TRAF3IP1: variants seen among roughly 807,000 people sequenced by gnomAD.
The protein encoded by TRAF3IP1 is TRAF3-interacting protein 1.
Under a neutral mutation model 89.9 loss-of-function variants are expected in TRAF3IP1, and 53 were observed. The ratio of observed to expected loss-of-function variants is 0.59; its 90% CI spans 0.47 to 0.74. TRAF3IP1 has a LOEUF of 0.74. Among genes scored for constraint, TRAF3IP1 ranks in the 30% least tolerant of loss-of-function variants. The pLI is 0.00. For synonymous variants in TRAF3IP1, 311 were observed against 322.1 expected (o/e 0.97, Z 0.37); for missense variants, 806 against 866.1 (o/e 0.93, Z 0.87).
intron 15 of TRAF3IP1, among the ~76,000 whole-genome samples, chr2:238,384,246 G>A (rs773083180): frequency 7.2e-5 from 11 of 152,154 alleles, no homozygotes; most frequent in Non-Finnish European, 1.5e-4. Context: ...CTCCGCCCAC[G>A]GCTGACAACA....
intron 15 of TRAF3IP1, among the ~76,000 whole-genome samples, chr2:238,357,716 G>C (rs1023454973): frequency 3.3e-5 from 5 of 152,284 alleles, no homozygotes; most frequent in African/African-American, 1.2e-4. Flanking sequence ...GGTTGTCCTG[G>C]TGTCCCTGGT....
chr2:238,370,163 T>A (rs1017552874), intron 15 of TRAF3IP1, among the ~76,000 whole-genome samples: 2 of 152,142 alleles, frequency 1.3e-5, no homozygotes, highest in Non-Finnish European at 2.9e-5. Flanking sequence ...TGTGTCTGTG[T>A]TTGTTATATA....
chr2:238,365,788 G>A (rs1430243669), intron 15 of TRAF3IP1, among the ~76,000 whole-genome samples: 2 of 152,092 alleles, frequency 1.3e-5, no homozygotes, highest in African/African-American at 4.8e-5. Context: ...TATATGGTGG[G>A]GTTTTTTGTT....
At chr2:238,365,388 G>A (rs1051089319) in intron 15 of TRAF3IP1, among the ~76,000 whole-genome samples, 10 of 152,110 alleles carry the variant, frequency 6.6e-5, no homozygotes, top group Admixed American at 2.0e-4. Flanking sequence ...TGGGCCAGGC[G>A]CGGTGGCCAA....
rs1255514345 is a variant in TRAF3IP1, at chr2:238,351,231, C to T, written c.1452-1596C>T. Among the ~76,000 whole-genome samples the T allele has an allele frequency of 6.6e-6, 1 of 152,048 alleles. No homozygotes were observed. The highest frequency in any genetic ancestry group is 1.5e-5 in the Non-Finnish European group (1 of 68,016). On this transcript the variant is annotated intron_variant, in intron 12 of 16. Transcript: ENST00000373327. The surrounding 1 kb of genome is among the most constrained non-coding windows in gnomAD (Gnocchi z 5.2). ...CCCAAGGCCAGGATTTTGGAAGGATCATTTCTCAATACTTGAAATCACAAG... is the reference window on the plus strand; with the variant it reads ...CCCAAGGCCAGGATTTTGGAAGGATTATTTCTCAATACTTGAAATCACAAG...
At position 238,398,786 on chromosome 2, in the gene TRAF3IP1, C is replaced by T. The variant is rs1701354210; in HGVS notation, c.1943C>T (p.Ala648Val). ...GACTGTGCCGTGGAGCCCTTAAAGG[C>T]TGAGCTCGCGGAGCTGGAGCAGCTG... ...ITDCAVEPLK[A>V]ELAELEQLIK... is the part of the protein sequence containing the mutation. Residue 648 changes from alanine to valine, a missense_variant, in exon 17 of 17, where the codon GCT (alanine) becomes GTT (valine). Ala to Val is a moderately conservative substitution (Grantham distance 64). This residue lies in a region of TRAF3IP1 where 70 missense variants were observed against 67.8 expected (regional missense o/e 1.03). Coordinates refer to ENST00000373327, the MANE Select transcript of TRAF3IP1 (RefSeq NM_015650.4). The T allele has an allele frequency of 6.2e-7, 1 of 1,611,118 alleles. No individual in the cohort carries two copies. Among genetic ancestry groups the T allele is most frequent in the Non-Finnish European group, 8.5e-7 (1 of 1,179,152 alleles).
chr2:238,371,443 A>G (rs1355247782), intron 15 of TRAF3IP1, among the ~76,000 whole-genome samples: 1 of 152,250 alleles, frequency 6.6e-6, no homozygotes, highest in Non-Finnish European at 1.5e-5. Flanking sequence ...TTGCTTCAAC[A>G]TTTGGAGAGA....
intron 5 of TRAF3IP1, among the ~76,000 whole-genome samples, chr2:238,329,825 TC>T (rs1349181139): frequency 1.3e-5 from 2 of 152,176 alleles, no homozygotes; most frequent in Non-Finnish European, 2.9e-5. Flanking sequence ...ATGGAATTGA[TC>T]AATTGATGGT....
At chr2:238,348,877 AG>A in intron 11 of TRAF3IP1, 29 bp downstream of exon 11, 1 of 1,596,208 alleles carries the variant, frequency 6.3e-7, no homozygotes, top group South Asian at 1.1e-5. Flanking sequence ...CCTTTCCCTC[AG>A]CAGAGTGATC....
In TRAF3IP1 at chr2:238,359,127, G is replaced by A. The variant is rs114918935; in HGVS notation, c.1689+3047G>A. ...GCTATAGTTTACTGATTTCAGCTTT[G>A]GGGGTTATGCCCAGGCTTAGAAGTG... On this transcript the variant is annotated intron_variant, in intron 15 of 16. Transcript: ENST00000373327. Among the ~76,000 whole-genome samples, 1,063 of 152,346 alleles carry A rather than the reference G, an allele frequency of 7.0e-3. 11 individuals carry two copies. The highest frequency in any genetic ancestry group is 0.024 in the African/African-American group (981 of 41,572).
chr2:238,356,605 G>A (rs1699420868), intron 15 of TRAF3IP1, among the ~76,000 whole-genome samples: 1 of 152,082 alleles, frequency 6.6e-6, no homozygotes, highest in Non-Finnish European at 1.5e-5. Context: ...CCCGTCTTGG[G>A]AGGGGGCAGC....
chr2:238,369,075 T>C (rs1321919770), intron 15 of TRAF3IP1, among the ~76,000 whole-genome samples: 1 of 152,160 alleles, frequency 6.6e-6, no homozygotes, highest in Non-Finnish European at 1.5e-5. Flanking sequence ...TATTAGTATT[T>C]TGGGTTCTGA....
In TRAF3IP1 at chr2:238,321,702, A is replaced by G. The variant is rs186303981; in HGVS notation, c.123+917A>G. On this transcript the variant is annotated intron_variant, in intron 1 of 16. Coordinates refer to ENST00000373327, the MANE Select transcript of TRAF3IP1 (RefSeq NM_015650.4). Reference sequence around the variant, plus strand: ...TGGTAACTCCCTGGTAACTCTCAGGAGCGTCACTGCAGCGGGCGCAGCACC... The same window carrying G: ...TGGTAACTCCCTGGTAACTCTCAGGGGCGTCACTGCAGCGGGCGCAGCACC... 2.6e-5 allele frequency among the ~76,000 whole-genome samples: 4 copies of G among 152,286 alleles called. No individual in the cohort carries two copies. The East Asian group carries it at 7.7e-4, about 29-fold the overall frequency.
chr2:238,338,008 G>A (rs1415149164), intron 7 of TRAF3IP1, among the ~76,000 whole-genome samples: 2 of 152,164 alleles, frequency 1.3e-5, no homozygotes, highest in African/African-American at 4.8e-5. Flanking sequence ...GTCCAGGGGC[G>A]TGTGTAGGTA....
chr2:238,325,715 A>C, intron 2 of TRAF3IP1, 94 bp from the exon 3 acceptor site: 2 of 1,270,644 alleles, frequency 1.6e-6, no homozygotes, highest in Non-Finnish European at 2.2e-6. Flanking sequence ...TTTGTATGTA[A>C]ACAGAAACTA....
intron 15 of TRAF3IP1, among the ~76,000 whole-genome samples, chr2:238,373,781 C>A (rs1420580503): frequency 6.6e-6 from 1 of 152,116 alleles, no homozygotes; most frequent in Non-Finnish European, 1.5e-5. Context: ...AATATTCTTC[C>A]ATTTGTTTGT....
At chr2:238,373,536 C>A (rs1243672726) in intron 15 of TRAF3IP1, among the ~76,000 whole-genome samples, 1 of 152,106 alleles carries the variant, frequency 6.6e-6, no homozygotes, top group Non-Finnish European at 1.5e-5. Flanking sequence ...GTTACTGTAG[C>A]CTTGTAGTAT....
chr2:238,341,770 G>T (rs1017705210), intron 8 of TRAF3IP1, among the ~76,000 whole-genome samples: 1 of 152,024 alleles, frequency 6.6e-6, no homozygotes, highest in African/African-American at 2.4e-5. Flanking sequence ...TGTGAGGCGG[G>T]GCAAACTGGG....
At chr2:238,357,940 T>C (rs1699492338) in intron 15 of TRAF3IP1, among the ~76,000 whole-genome samples, 1 of 152,190 alleles carries the variant, frequency 6.6e-6, no homozygotes. Context: ...TGTCCTTTTT[T>C]GGTAAACATC....
Sources: allele counts gnomAD v4.1 joint callset (sites outside exome capture counted in the v4.1 genomes callset), GRCh38; gene constraint gnomAD v4.1.1; regional missense constraint gnomAD v4.1.1; non-coding constraint Gnocchi (gnomAD v3.1); transcripts MANE v1.5; gene names NCBI Gene and HGNC (gene_info 2026-07-23, HGNC 2026-07-21).